The following TG variants were observed in gnomAD, a reference collection of about 807,000 sequenced individuals.
TG encodes the protein thyroglobulin.
TG carries 270 observed loss-of-function variants against 324.7 expected under a neutral mutation model. The ratio of observed to expected loss-of-function variants is 0.83; its 90% confidence interval spans 0.75 to 0.92. The LOEUF is 0.92. Among genes scored for constraint, TG ranks in the 40% least tolerant of loss-of-function variants. TG has a pLI of 0.00. For synonymous variants in TG, 1,401 were observed against 1,327.0 expected (o/e 1.06, Z -1.21); for missense variants, 3,591 against 3,456.4 (o/e 1.04, Z -0.98).
At position 132,970,958 on chromosome 8, in the gene TG, C is replaced by T. The variant is rs181005706; in HGVS notation, c.5976-836C>T. Among the ~76,000 whole-genome samples, 10 of 152,180 alleles carry T rather than the reference C, an allele frequency of 6.6e-5. No homozygotes were observed. The East Asian group carries it at 9.7e-4, about 15-fold the overall frequency. On this transcript the variant is annotated intron_variant, in intron 32 of 47. Coordinates refer to ENST00000220616, the MANE Select transcript of TG (RefSeq NM_003235.5). ...GCTGCCCAGCAGGTAAAAGCATCAC[C>T]GCTGGGATGTGGCTTGGGTTCAGGG...
chr8:133,066,219 G>A (rs915693814), intron 41 of TG, among the ~76,000 whole-genome samples: 2 of 151,724 alleles, frequency 1.3e-5, no homozygotes, highest in African/African-American at 4.9e-5. Context: ...CCAGCTACTT[G>A]GGAGGCTGAG....
intron 43 of TG, among the ~76,000 whole-genome samples, chr8:133,107,292 T>G (rs1179170357): frequency 6.6e-6 from 1 of 152,208 alleles, no homozygotes; most frequent in African/African-American, 2.4e-5. Flanking sequence ...ACATTCAGGT[T>G]GATGCTGAGG....
intron 20 of TG, among the ~76,000 whole-genome samples, chr8:132,917,900 T>TTTTTTTTC (rs1428091051): frequency 6.6e-6 from 1 of 151,258 alleles, no homozygotes; most frequent in Non-Finnish European, 1.5e-5. Context: ...TTTTTTTTTT[T>TTTTTTTTC]TTTTTAATTG....
In TG at chr8:132,887,535, G is replaced by C; in HGVS notation, c.2163G>C (p.Gly721=). The C allele has an allele frequency of 6.2e-7, 1 of 1,614,188 alleles. No homozygotes were observed. Among genetic ancestry groups the C allele is most frequent in the Non-Finnish European group, 8.5e-7 (1 of 1,180,038 alleles). ...TTCCTGGAACTCGAAGTGCAATAGG[G>C]AAGCCCAAGAAATGTAAGTCTGTTG... The part of the protein sequence containing the change: ...QAIPGTRSAI[G]KPKKCPTPCQ... Residue 721 remains glycine (G), a synonymous_variant, in exon 9 of 48, where the codon GGG becomes GGC. Coordinates refer to ENST00000220616, the MANE Select transcript of TG (RefSeq NM_003235.5).
Position 133,017,854 on chromosome 8 carries a change from C to T in TG, c.6639C>T (p.Ser2213=). 4 of 1,614,178 alleles carry T rather than the reference C, an allele frequency of 2.5e-6. No individual in the cohort carries two copies. The highest frequency in any genetic ancestry group is 3.4e-6 in the Non-Finnish European group (4 of 1,180,024). ...ISTHGRLLGR[S]QAIQVGTSWK... Reference sequence around the variant, plus strand: ...CCCATGGCCGGCTGCTGGGCAGGTCCCAGGCCATCCAGGTGGGTACCTCAT... The same window carrying T: ...CCCATGGCCGGCTGCTGGGCAGGTCTCAGGCCATCCAGGTGGGTACCTCAT... The change falls in exon 38 of 48, where the codon TCC becomes TCT. Residue 2213 remains serine, a synonymous_variant. Coordinates refer to ENST00000220616, the MANE Select transcript of TG (RefSeq NM_003235.5).
At position 132,867,967 on chromosome 8, in the gene TG, G is replaced by A. The variant is rs180202; in HGVS notation, c.68-148G>A. 470,022 of 698,438 alleles carry A rather than the reference G, an allele frequency of 0.67. 161,436 individuals carry two copies. The highest frequency in any genetic ancestry group is 0.93 in the African/African-American group (52,932 of 56,750). The allele number at this position is 698,438 out of a possible 1,614,324, so 43.3% of individuals were successfully genotyped here. On this transcript the variant is annotated intron_variant, in intron 1 of 47. Transcript: ENST00000220616. ...AAATGAGCTAATGTCATACTTGTAAGAAAGTGTGCTTAGCTGCCAAATTTT... is the reference window on the plus strand; with the variant it reads ...AAATGAGCTAATGTCATACTTGTAAAAAAGTGTGCTTAGCTGCCAAATTTT...
chr8:132,968,955 G>A (rs148330353), intron 31 of TG, among the ~76,000 whole-genome samples: 1 of 152,116 alleles, frequency 6.6e-6, no homozygotes, highest in Non-Finnish European at 1.5e-5. Context: ...CTCTTCTGTC[G>A]TCCTGAGAGA....
intron 41 of TG, among the ~76,000 whole-genome samples, chr8:133,057,752 C>T (rs1841705454): frequency 1.4e-5 from 2 of 146,722 alleles, no homozygotes; most frequent in African/African-American, 2.5e-5. Flanking sequence ...TTCTGGAAAT[C>T]TTAGTTTAGC....
intron 21 of TG, among the ~76,000 whole-genome samples, chr8:132,922,541 T>C (rs1223810732): frequency 1.3e-5 from 2 of 152,160 alleles, no homozygotes; most frequent in African/African-American, 2.4e-5. Context: ...CCTGGGATAG[T>C]GTGTAACATT....
At chr8:133,062,649 G>A (rs766871478) in intron 41 of TG, among the ~76,000 whole-genome samples, 13 of 152,076 alleles carry the variant, frequency 8.5e-5, no homozygotes, top group Non-Finnish European at 1.5e-4. Context: ...GGAAGCATGC[G>A]TGTGACATGC....
At chr8:132,948,308 TGAGAGCGAGAGC>T (rs938548842) in intron 26 of TG, among the ~76,000 whole-genome samples, 1 of 149,412 alleles carries the variant, frequency 6.7e-6, no homozygotes, top group South Asian at 2.1e-4. Context: ...AGAGCGAGAG[TGAGAGCGAGAGC>T]GAGAGAGAGA....
At chr8:132,990,781 A>C (rs1832216096) in intron 35 of TG, among the ~76,000 whole-genome samples, 1 of 152,164 alleles carries the variant, frequency 6.6e-6, no homozygotes, top group Non-Finnish European at 1.5e-5. Context: ...AAACTCACAT[A>C]ACCAGTACTT....
chr8:132,963,189 A>G (rs1375512980), intron 29 of TG, 115 bp downstream of exon 29: 2 of 995,994 alleles, frequency 2.0e-6, no homozygotes, highest in East Asian at 2.4e-5. Flanking sequence ...TTCTGTATCC[A>G]TGGACTCTCC....
At chr8:133,091,925 CTG>C (rs150968624) in intron 41 of TG, among the ~76,000 whole-genome samples, 3,186 of 151,148 alleles carry the variant, frequency 0.021, 120 homozygotes, top group African/African-American at 0.073. Context: ...GTGGCTACGT[CTG>C]TGTGTGTGTG....
intron 35 of TG, among the ~76,000 whole-genome samples, chr8:133,005,772 CT>C (rs1833967404): frequency 6.6e-6 from 1 of 152,136 alleles, no homozygotes; most frequent in Non-Finnish European, 1.5e-5. Flanking sequence ...TAAGGGGGCC[CT>C]GATGTTATTC....
chr8:133,105,953 T>C (rs1849765674), intron 43 of TG, among the ~76,000 whole-genome samples: 1 of 152,012 alleles, frequency 6.6e-6, no homozygotes, highest in Non-Finnish European at 1.5e-5. Flanking sequence ...AAAGAGGCTA[T>C]AGGACAGTTG....
At chr8:133,094,363 C>T (rs1408236200) in intron 41 of TG, among the ~76,000 whole-genome samples, 1 of 151,820 alleles carries the variant, frequency 6.6e-6, no homozygotes, top group Non-Finnish European at 1.5e-5. Context: ...ACCTCAGCCT[C>T]CCAAGTAGCA....
intron 25 of TG, among the ~76,000 whole-genome samples, chr8:132,936,524 T>A (rs1201197985): frequency 6.6e-6 from 1 of 152,212 alleles, no homozygotes; most frequent in Non-Finnish European, 1.5e-5. Flanking sequence ...TAGCAAGCTG[T>A]GTCGTACTGT....
In TG at chr8:132,913,220, T is replaced by C. The variant is rs1819782843; in HGVS notation, c.4333T>C (p.Tyr1445His). ...RTWFGCSEGF[Y>H]QVLTSEASQD... Reference sequence around the variant, plus strand: ...ATGGTTTGGGTGCTCGGAAGGATTCTACCAAGTCTTGACAAGTGAGGCCAG... The same window carrying C: ...ATGGTTTGGGTGCTCGGAAGGATTCCACCAAGTCTTGACAAGTGAGGCCAG... Residue 1445 changes from tyrosine (Y) to histidine (H), a missense_variant, in exon 20 of 48, where the codon TAC becomes CAC. Coordinates refer to ENST00000220616, the MANE Select transcript of TG (RefSeq NM_003235.5). 1.2e-6 allele frequency: 2 copies of C among 1,614,192 alleles called. No individual in the cohort carries two copies. Among genetic ancestry groups the C allele is most frequent in the Admixed American group, 1.7e-5 (1 of 60,026 alleles).
Sources: gnomAD v4.1 joint callset for allele counts (sites outside exome capture counted in the v4.1 genomes callset) on GRCh38, gnomAD v4.1.1 for gene constraint, MANE v1.5 for transcripts, NCBI Gene and HGNC (gene_info 2026-07-23, HGNC 2026-07-21) for gene names.